Variants in MAF observed in about 807,000 individuals in gnomAD.
MAF encodes transcription factor Maf.
MAF carries 10 observed loss-of-function variants against 22.0 expected under a neutral mutation model. The ratio of observed to expected loss-of-function variants is 0.45; its 90% confidence interval spans 0.28 to 0.77. The LOEUF is 0.77. Among genes scored for constraint, MAF ranks in the 30% least tolerant of loss-of-function variants. The pLI, the probability that MAF is intolerant of heterozygous loss-of-function variation, is 0.12. For missense variants in MAF, 544 were observed against 548.4 expected (o/e 0.99, Z 0.08); for synonymous variants, 337 against 255.8 (o/e 1.32, Z -3.03).
chr16:79,303,910 GA>G, the MAF span, among the ~76,000 whole-genome samples: 1 of 151,772 alleles, frequency 6.6e-6, no homozygotes, highest in Admixed American at 6.6e-5. Flanking sequence ...AATGCGGGGA[GA>G]AAAAAAAGAG....
chr16:79,447,109 C>A, the MAF span, among the ~76,000 whole-genome samples: 1 of 151,948 alleles, frequency 6.6e-6, no homozygotes, highest in Non-Finnish European at 1.5e-5. Flanking sequence ...AAAGTGACAA[C>A]ATGGGTGTCT....
the MAF span, among the ~76,000 whole-genome samples, chr16:79,522,171 TAGA>T: frequency 6.6e-6 from 1 of 152,164 alleles, no homozygotes; most frequent in Non-Finnish European, 1.5e-5. Context: ...CACAGCTACT[TAGA>T]AGGAGAGCCT....
At chr16:79,376,735 TTA>T in the MAF span, among the ~76,000 whole-genome samples, 1 of 152,164 alleles carries the variant, frequency 6.6e-6, no homozygotes, top group Non-Finnish European at 1.5e-5. Flanking sequence ...TGTCCATGTG[TTA>T]TTGTTCAATT....
At chr16:79,203,321 A>G in the MAF span, 1 of 152,318 alleles carries the variant, frequency 6.6e-6, no homozygotes, top group Non-Finnish European at 1.5e-5. Flanking sequence ...TGAGCTCTGT[A>G]TGGAAATCCA....
the MAF span, among the ~76,000 whole-genome samples, chr16:79,319,290 G>A: frequency 6.6e-5 from 10 of 152,270 alleles, no homozygotes; most frequent in East Asian, 9.7e-4. Flanking sequence ...AACTTTAAGC[G>A]GGGGAGAGGA....
chr16:79,485,499 T>A, the MAF span, among the ~76,000 whole-genome samples: 1 of 152,230 alleles, frequency 6.6e-6, no homozygotes, highest in Admixed American at 6.5e-5. Context: ...ATCATTCTGA[T>A]AACCGTCTCT....
chr16:79,318,546 A>G, the MAF span, among the ~76,000 whole-genome samples: 1 of 152,216 alleles, frequency 6.6e-6, no homozygotes, highest in African/African-American at 2.4e-5. Flanking sequence ...TCCCGAAACT[A>G]CATTGCTGGG....
At chr16:79,571,119 A>T in the MAF span, among the ~76,000 whole-genome samples, 2 of 151,944 alleles carry the variant, frequency 1.3e-5, no homozygotes, top group African/African-American at 4.8e-5. Flanking sequence ...GTTAAAAAAA[A>T]AAAAAAAGTG....
At chr16:79,576,158 T>C in the MAF span, among the ~76,000 whole-genome samples, 1 of 126,328 alleles carries the variant, frequency 7.9e-6, no homozygotes, top group Admixed American at 9.5e-5. Context: ...ATAAAATGAA[T>C]ACAAAGAATG....
the MAF span, among the ~76,000 whole-genome samples, chr16:79,573,681 T>G: frequency 6.6e-6 from 1 of 152,176 alleles, no homozygotes; most frequent in African/African-American, 2.4e-5. Context: ...GCTTAATAAC[T>G]TTGACAACAA....
the MAF span, among the ~76,000 whole-genome samples, chr16:79,219,508 G>A: frequency 7.6e-6 from 1 of 130,862 alleles, no homozygotes; most frequent in Non-Finnish European, 1.5e-5. Flanking sequence ...CGGACATCGC[G>A]CCACTGCACT....
the MAF span, among the ~76,000 whole-genome samples, chr16:79,568,851 T>C: frequency 6.6e-6 from 1 of 152,218 alleles, no homozygotes; most frequent in South Asian, 2.1e-4. Context: ...TACTGAGCAC[T>C]TCTAGGGGCT....
chr16:79,561,550 A>G, the MAF span, among the ~76,000 whole-genome samples: 1 of 148,024 alleles, frequency 6.8e-6, no homozygotes, highest in Non-Finnish European at 1.5e-5. Context: ...CCCACCTACG[A>G]GTGAGAACAT....
the MAF span, among the ~76,000 whole-genome samples, chr16:79,550,348 G>C: frequency 1.3e-5 from 2 of 151,744 alleles, no homozygotes; most frequent in Admixed American, 1.3e-4. Context: ...GAGAGAGAGA[G>C]AGACAGACAG....
chr16:79,577,809 G>A, the MAF span, among the ~76,000 whole-genome samples: 1 of 152,162 alleles, frequency 6.6e-6, no homozygotes, highest in East Asian at 1.9e-4. Context: ...ATGGTGCAAT[G>A]CCCCAAAAAT....
At chr16:79,392,184 G>A in the MAF span, among the ~76,000 whole-genome samples, 1 of 148,322 alleles carries the variant, frequency 6.7e-6, no homozygotes, top group Non-Finnish European at 1.5e-5. Flanking sequence ...AGAAGGAAGA[G>A]AAGAAGGAGA....
At chr16:79,491,705 C>G in the MAF span, among the ~76,000 whole-genome samples, 1 of 152,164 alleles carries the variant, frequency 6.6e-6, no homozygotes, top group East Asian at 1.9e-4. Flanking sequence ...AACTGATGAA[C>G]AATTTTTCTT....
At chr16:79,340,758 C>T in the MAF span, among the ~76,000 whole-genome samples, 15 of 152,142 alleles carry the variant, frequency 9.9e-5, no homozygotes, top group Non-Finnish European at 2.1e-4. Context: ...CATCAGCCAC[C>T]GCTCCTGAGT....
the MAF span, among the ~76,000 whole-genome samples, chr16:79,307,542 C>T: frequency 7.9e-5 from 12 of 152,242 alleles, no homozygotes; most frequent in African/African-American, 2.4e-4. Flanking sequence ...CACATGCCCC[C>T]GACATGATGG....
Sources: gnomAD v4.1 joint callset for allele counts (sites outside exome capture counted in the v4.1 genomes callset) on GRCh38, gnomAD v4.1.1 for gene constraint, MANE v1.5 for transcripts, NCBI Gene and HGNC (gene_info 2026-07-23, HGNC 2026-07-21) for gene names.